KCNC2: variants seen among roughly 807,000 people sequenced by gnomAD.
KCNC2 encodes the protein potassium voltage-gated channel subfamily C member 2.
Under a neutral mutation model 44.5 loss-of-function variants are expected in KCNC2, and 21 were observed. That is an observed-to-expected ratio of 0.47 (90% confidence interval 0.33 to 0.68). The LOEUF is 0.68. Among genes scored for constraint, KCNC2 ranks in the 30% least tolerant of loss-of-function variants. The pLI is 0.01. For missense variants in KCNC2, 589 were observed against 826.2 expected (o/e 0.71, Z 3.52); for synonymous variants, 391 against 339.1 (o/e 1.15, Z -1.68).
intron 2 of KCNC2, among the ~76,000 whole-genome samples, chr12:75,057,173 T>C (rs1319891034): frequency 1.3e-5 from 2 of 152,046 alleles, no homozygotes; most frequent in African/African-American, 2.4e-5. Flanking sequence ...TATTAACCCA[T>C]AGAACTTATA....
intron 2 of KCNC2, among the ~76,000 whole-genome samples, chr12:75,183,816 G>A (rs897748278): frequency 6.6e-6 from 1 of 152,122 alleles, no homozygotes; most frequent in Admixed American, 6.5e-5. Flanking sequence ...ATCGCTCTTA[G>A]GATAAGCCCA....
intron 2 of KCNC2, among the ~76,000 whole-genome samples, chr12:75,142,753 A>G (rs1889743552): frequency 6.6e-6 from 1 of 152,168 alleles, no homozygotes; most frequent in Non-Finnish European, 1.5e-5. Flanking sequence ...CTCACAGCGT[A>G]GTAGTTGGAT....
chr12:75,149,653 T>G (rs1412228851), intron 2 of KCNC2, among the ~76,000 whole-genome samples: 1 of 151,794 alleles, frequency 6.6e-6, no homozygotes, highest in African/African-American at 2.4e-5. Context: ...AAATAGCCAA[T>G]GTTTGTTTTA....
intron 2 of KCNC2, among the ~76,000 whole-genome samples, chr12:75,204,241 A>T (rs995778324): frequency 6.6e-6 from 1 of 152,016 alleles, no homozygotes; most frequent in Non-Finnish European, 1.5e-5. Flanking sequence ...AAATACAACA[A>T]TATAGACCCC....
chr12:75,095,705 T>C (rs1436381018), intron 2 of KCNC2, among the ~76,000 whole-genome samples: 1 of 151,866 alleles, frequency 6.6e-6, no homozygotes, highest in African/African-American at 2.4e-5. Context: ...CAGCTCTTCC[T>C]TTTATCTAAA....
chr12:75,089,109 T>A (rs544014728), intron 2 of KCNC2, among the ~76,000 whole-genome samples: 2 of 151,960 alleles, frequency 1.3e-5, no homozygotes, highest in Non-Finnish European at 2.9e-5. Flanking sequence ...TAAATCTTTA[T>A]GCTTATATAT....
rs1477013010 is a variant in KCNC2 at position 75,139,605 on chromosome 12, C to G, written c.687+67692G>C. Among the ~76,000 whole-genome samples, 5 of 152,176 alleles carry G rather than the reference C, an allele frequency of 3.3e-5. No homozygotes were observed. The East Asian group carries it at 9.6e-4, about 29-fold the overall frequency. ...TGACTCAGCCTTTCTCTCTCTTTCT[C>G]TAAATACATTTTCTGGTGGTAGCTA... On this transcript the variant is annotated intron_variant, in intron 2 of 4. Transcript: ENST00000549446.
At chr12:75,084,180 T>C (rs1460880879) in intron 2 of KCNC2, among the ~76,000 whole-genome samples, 1 of 151,826 alleles carries the variant, frequency 6.6e-6, no homozygotes, top group Non-Finnish European at 1.5e-5. Flanking sequence ...TCTATCGGTA[T>C]AAAATAAAAA....
At chr12:75,204,394 C>CA (rs2031521800) in intron 2 of KCNC2, among the ~76,000 whole-genome samples, 1 of 151,828 alleles carries the variant, frequency 6.6e-6, no homozygotes, top group Admixed American at 6.6e-5. Flanking sequence ...ATTTAAATCA[C>CA]AAAAATTACA....
chr12:75,195,528 C>A (rs566516439), intron 2 of KCNC2, among the ~76,000 whole-genome samples: 1 of 152,048 alleles, frequency 6.6e-6, no homozygotes, highest in African/African-American at 2.4e-5. Flanking sequence ...AGGGAACATT[C>A]TTGACTTTTC....
At chr12:75,149,262 C>G (rs1890230368) in intron 2 of KCNC2, among the ~76,000 whole-genome samples, 1 of 151,522 alleles carries the variant, frequency 6.6e-6, no homozygotes, top group African/African-American at 2.4e-5. Context: ...CTTATTCTAC[C>G]TCTTGTAGCA....
chr12:75,195,182 G>A (rs988339614), intron 2 of KCNC2, among the ~76,000 whole-genome samples: 1 of 152,064 alleles, frequency 6.6e-6, no homozygotes, highest in Non-Finnish European at 1.5e-5. Flanking sequence ...TAAAGTAGTA[G>A]CAATATAAAG....
At chr12:75,145,792 T>C (rs959963227) in intron 2 of KCNC2, among the ~76,000 whole-genome samples, 1 of 152,140 alleles carries the variant, frequency 6.6e-6, no homozygotes, top group Non-Finnish European at 1.5e-5. Flanking sequence ...TTTGAAAATA[T>C]AGAAAAATAT....
In KCNC2 at chr12:75,041,865, T is replaced by A; in HGVS notation, c.*1240A>T. The A allele has an allele frequency of 1.0e-6, 1 of 989,330 alleles. No homozygotes were observed. The highest frequency in any genetic ancestry group is 1.2e-6 in the Non-Finnish European group (1 of 832,796). The allele number at this position is 989,330 out of a possible 1,614,324, so 61.3% of individuals were successfully genotyped here. ...CCAAATAGCAAAAAATGGTATGGAG[T>A]CGGGTTTGGAGGGAGTAAATATTAA... On this transcript the variant is annotated 3_prime_UTR_variant, in exon 5 of 5. Transcript: ENST00000549446.
intron 2 of KCNC2, among the ~76,000 whole-genome samples, chr12:75,156,427 T>C (rs1411735895): frequency 4.0e-5 from 6 of 151,826 alleles, no homozygotes; most frequent in African/African-American, 1.4e-4. Context: ...TTTTACATAA[T>C]GCCCATGGCT....
At position 75,042,065 on chromosome 12, in the gene KCNC2, G is replaced by T; in HGVS notation, c.*1040C>A. The T allele has an allele frequency of 8.5e-7, 1 of 1,180,808 alleles. No individual in the cohort carries two copies. Among genetic ancestry groups the T allele is most frequent in the Non-Finnish European group, 1.0e-6 (1 of 956,476 alleles). The allele number at this position is 1,180,808 out of a possible 1,614,324, so 73.1% of individuals were successfully genotyped here. Reference sequence around the variant, plus strand: ...CAGGAATTTAAGGCTAGTCAAAAAAGCCTTCTGTGAACACCAGTGACATTT... The same window carrying T: ...CAGGAATTTAAGGCTAGTCAAAAAATCCTTCTGTGAACACCAGTGACATTT... On this transcript the variant is annotated 3_prime_UTR_variant, in exon 5 of 5. Coordinates refer to ENST00000549446, the MANE Select transcript of KCNC2 (RefSeq NM_139137.4).
At chr12:75,062,157 C>A (rs2136994705) in intron 2 of KCNC2, among the ~76,000 whole-genome samples, 1 of 152,158 alleles carries the variant, frequency 6.6e-6, no homozygotes, top group East Asian at 1.9e-4. Context: ...TACAGAAAAG[C>A]AAACTGAAGC....
intron 2 of KCNC2, 44 bp from the exon 3 acceptor site, chr12:75,051,361 C>T (rs752530249): frequency 1.9e-6 from 2 of 1,074,160 alleles, no homozygotes; most frequent in South Asian, 3.3e-5. Context: ...TGATCTGAAT[C>T]GTAATATATG....
At chr12:75,152,154 A>G (rs905740074) in intron 2 of KCNC2, among the ~76,000 whole-genome samples, 5 of 150,778 alleles carry the variant, frequency 3.3e-5, no homozygotes, top group African/African-American at 1.2e-4. Flanking sequence ...GAAATACAGT[A>G]AGGCCAATGA....
Sources: allele counts gnomAD v4.1 joint callset (sites outside exome capture counted in the v4.1 genomes callset), GRCh38; gene constraint gnomAD v4.1.1; transcripts MANE v1.5; gene names NCBI Gene and HGNC (gene_info 2026-07-23, HGNC 2026-07-21).